The following RHOG variants were observed in gnomAD, a reference collection of about 807,000 sequenced individuals.
The protein encoded by RHOG is rho-related GTP-binding protein RhoG.
In RHOG, 1 loss-of-function variant was observed where a neutral mutation model predicts 12.3. That is an observed-to-expected ratio of 0.08 (90% CI 0.03 to 0.39). The LOEUF is 0.39. Ranked by LOEUF, RHOG falls within the 10% of genes least tolerant of loss-of-function variation. The pLI is 0.99. For synonymous variants in RHOG, 129 were observed against 116.0 expected (o/e 1.11, Z -0.72); for missense variants, 114 against 266.2 (o/e 0.43, Z 3.98).
rs754850689 is a variant in RHOG at position 3,828,007 on chromosome 11, G to A, written c.132C>T (p.Ser44=). The A allele has an allele frequency of 8.7e-6, 14 of 1,614,150 alleles. No individual in the cohort carries two copies. The highest frequency in any genetic ancestry group is 3.3e-5 in the South Asian group (3 of 91,092). ...PTVFDNYSAQ[S]AVDGRTVNLN... ...GGTTCACTGTGCGCCCGTCAACTGC[G>A]CTCTGCGCGCTGTAATTGTCGAACA... The change falls in exon 2 of 2, where the codon AGC becomes AGT. Residue 44 remains serine, a synonymous_variant. Coordinates refer to ENST00000351018, the MANE Select transcript of RHOG (RefSeq NM_001665.4).
intron 1 of RHOG, among the ~76,000 whole-genome samples, chr11:3,836,949 G>A: frequency 7.1e-6 from 1 of 140,038 alleles, no homozygotes; most frequent in Admixed American, 7.3e-5. Context: ...CTCAGGACCA[G>A]GACAGCTCTG....
chr11:3,829,781 C>T (rs928779653), intron 1 of RHOG, among the ~76,000 whole-genome samples: 1 of 152,068 alleles, frequency 6.6e-6, no homozygotes, highest in Non-Finnish European at 1.5e-5. Context: ...GAGTCTTGCT[C>T]TGTCGCCCAG....
intron 1 of RHOG, among the ~76,000 whole-genome samples, chr11:3,832,992 G>T (rs886804666): frequency 6.6e-6 from 1 of 151,910 alleles, no homozygotes; most frequent in African/African-American, 2.4e-5. Flanking sequence ...ACTAGTCAAG[G>T]TTATCGTCCC....
chr11:3,840,855 C>T (rs986812504), intron 1 of RHOG, 39 bp downstream of exon 1: 2 of 152,234 alleles, frequency 1.3e-5, no homozygotes. Flanking sequence ...GGGCTCTCCT[C>T]CCCCGGACCC....
intron 1 of RHOG, among the ~76,000 whole-genome samples, chr11:3,832,265 C>G (rs2090134240): frequency 1.3e-5 from 2 of 152,164 alleles, no homozygotes; most frequent in Admixed American, 1.3e-4. Flanking sequence ...GATGAGGAAA[C>G]AAATTCAGAA....
At chr11:3,828,754 G>A (rs1017906238) in intron 1 of RHOG, among the ~76,000 whole-genome samples, 2 of 151,042 alleles carry the variant, frequency 1.3e-5, no homozygotes, top group East Asian at 2.0e-4. Flanking sequence ...TCGAGTAGCT[G>A]GGACTACAGG....
chr11:3,837,181 C>T (rs181674196), intron 1 of RHOG, among the ~76,000 whole-genome samples: 262 of 152,276 alleles, frequency 1.7e-3, no homozygotes, highest in Middle Eastern at 0.014. Flanking sequence ...CACAGAGAGA[C>T]CCAGGGCTGC....
At chr11:3,839,486 ACACAC>A (rs2090177451) in intron 1 of RHOG, among the ~76,000 whole-genome samples, 1 of 7,032 alleles carries the variant, frequency 1.4e-4, no homozygotes, top group South Asian at 5.1e-3. Context: ...GCGCGCGCGA[ACACAC>A]ACACACACAC....
At chr11:3,829,850 G>A (rs543785439) in intron 1 of RHOG, among the ~76,000 whole-genome samples, 58 of 152,000 alleles carry the variant, frequency 3.8e-4, no homozygotes, top group African/African-American at 1.3e-3. Flanking sequence ...GGGTTCAAGC[G>A]ATTCTCCTGC....
In RHOG at chr11:3,827,904, C is replaced by T. The variant is rs747848607; in HGVS notation, c.235G>A (p.Val79Ile). The T allele has an allele frequency of 6.8e-6, 11 of 1,614,120 alleles. No individual in the cohort carries two copies. The highest frequency in any genetic ancestry group is 2.7e-5 in the African/African-American group (2 of 74,936). ...GGACTGGCAATGGAGAAACAGATGA[C>T]GAAAACGTTGGTCTGAGGGTAGGAG... ...TLSYPQTNVF[V>I]ICFSIASPPS... Residue 79 changes from valine to isoleucine, a missense_variant, in exon 2 of 2, where the codon GTC becomes ATC. Physicochemically the swap from Val to Ile is conservative, Grantham distance 29 (BLOSUM62 3). Transcript: ENST00000351018. This position sits in a 1 kb window ranked among gnomAD's most constrained non-coding sequence, Gnocchi z 7.3.
At chr11:3,838,821 A>G (rs2090171231) in intron 1 of RHOG, among the ~76,000 whole-genome samples, 1 of 152,218 alleles carries the variant, frequency 6.6e-6, no homozygotes, top group African/African-American at 2.4e-5. Flanking sequence ...ATGGAGCTCT[A>G]GAGTGGAAAC....
intron 1 of RHOG, among the ~76,000 whole-genome samples, chr11:3,831,861 C>T (rs895450794): frequency 6.6e-6 from 1 of 152,130 alleles, no homozygotes; most frequent in Non-Finnish European, 1.5e-5. Context: ...ACTGGGCTGG[C>T]CCAGGCAGGA....
At chr11:3,828,627 T>C (rs971127433) in intron 1 of RHOG, among the ~76,000 whole-genome samples, 12 of 149,120 alleles carry the variant, frequency 8.0e-5, no homozygotes, top group Non-Finnish European at 1.3e-4. Flanking sequence ...TAGCTATTTT[T>C]TTTTTTTTTT....
rs2090098687 is a variant in RHOG at position 3,828,202 on chromosome 11, G to A, written c.-64C>T. 3.4e-6 allele frequency: 5 copies of A among 1,449,744 alleles called. No individual in the cohort carries two copies. The highest frequency in any genetic ancestry group is 4.7e-6 in the Non-Finnish European group (5 of 1,055,056). 89.8% of individuals were successfully genotyped at this position (1,449,744 alleles called of 1,614,324 possible). A position where few individuals can be genotyped will look rare whatever the true frequency, so the allele number is the denominator to read the frequency against. On this transcript the variant is annotated 5_prime_UTR_variant, in exon 2 of 2. Coordinates refer to ENST00000351018, the MANE Select transcript of RHOG (RefSeq NM_001665.4). ...TCTCTTCTGGACCCCTCTGGCTGCA[G>A]TGACCTGTGGACAGATGAAAGGGGA...
chr11:3,827,271 A>C lies in RHOG; in HGVS notation c.*292T>G. 2 of 452,362 alleles carry C rather than the reference A, an allele frequency of 4.4e-6. No homozygotes were observed. The highest frequency in any genetic ancestry group is 3.7e-5 in the Admixed American group (1 of 27,000). 28.0% of individuals were successfully genotyped at this position (452,362 alleles called of 1,614,324 possible). A position where few individuals can be genotyped will look rare whatever the true frequency, so the allele number is the denominator to read the frequency against. ...TGGAAAGCTGGATGAACTGGTCAGTAGCGGAAAATGGGAGGGGGCACTGGG... is the reference window on the plus strand; with the variant it reads ...TGGAAAGCTGGATGAACTGGTCAGTCGCGGAAAATGGGAGGGGGCACTGGG... On this transcript the variant is annotated 3_prime_UTR_variant, in exon 2 of 2. Coordinates refer to ENST00000351018, the MANE Select transcript of RHOG (RefSeq NM_001665.4). This position sits in a 1 kb window ranked among gnomAD's most constrained non-coding sequence, Gnocchi z 7.3.
At chr11:3,836,044 C>G (rs2090153564) in intron 1 of RHOG, among the ~76,000 whole-genome samples, 1 of 126,292 alleles carries the variant, frequency 7.9e-6, no homozygotes, top group Admixed American at 8.6e-5. Flanking sequence ...GAGCCCAGTT[C>G]CTAGCCTTAA....
In RHOG at chr11:3,839,369, TCACTG is replaced by T. The variant is rs2090175683; in HGVS notation, c.-69+1520_-69+1524del. Among the ~76,000 whole-genome samples, 4 of 152,066 alleles carry T rather than the reference TCACTG, an allele frequency of 2.6e-5. No individual in the cohort carries two copies. In the South Asian group the frequency reaches 8.3e-4, roughly 32 times the overall value. ...TCCTCCTGCCTAACCACAACCTCAC[TCACTG>T]CAGGTTCCCTTCATTCTGCTGGCTT... is the stretch of plus-strand genomic sequence containing the variant. On this transcript the variant is annotated intron_variant, in intron 1 of 1. Transcript: ENST00000351018.
chr11:3,828,828 G>A (rs562303823), intron 1 of RHOG, among the ~76,000 whole-genome samples: 19 of 151,790 alleles, frequency 1.3e-4, no homozygotes, highest in Admixed American at 7.9e-4. Flanking sequence ...CACCGTGTTG[G>A]CCAGGATGGT....
chr11:3,830,463 T>C (rs1428081991), intron 1 of RHOG: 2 of 152,034 alleles, frequency 1.3e-5, no homozygotes, highest in African/African-American at 4.8e-5. Context: ...GAGACTAGCC[T>C]GGGCAACATG....
Sources: gnomAD v4.1 joint callset for allele counts (sites outside exome capture counted in the v4.1 genomes callset) on GRCh38, gnomAD v4.1.1 for gene constraint, Gnocchi (gnomAD v3.1) non-coding constraint, MANE v1.5 for transcripts, NCBI Gene and HGNC (gene_info 2026-07-23, HGNC 2026-07-21) for gene names.